Variants in LRP1B observed in about 807,000 individuals in gnomAD.
The protein encoded by LRP1B is LDL receptor related protein 1B.
LRP1B carries 217 observed loss-of-function variants against 556.6 expected under a neutral mutation model. The ratio of observed to expected loss-of-function variants is 0.39; its 90% confidence interval spans 0.35 to 0.44. LRP1B has a LOEUF of 0.44. Among genes scored for constraint, LRP1B ranks in the 20% least tolerant of loss-of-function variants. LRP1B has a pLI of 1.00. For synonymous variants in LRP1B, 2,047 were observed against 1,865.8 expected, an observed-to-expected ratio of 1.10 and a Z score of -2.50; for missense variants, 5,053 against 5,620.8, an observed-to-expected ratio of 0.90 and a Z score of 3.23.
At chr2:141,797,885 T>C (rs868531760) in intron 2 of LRP1B, among the ~76,000 whole-genome samples, 1 of 152,088 alleles carries the variant, frequency 6.6e-6, no homozygotes, top group African/African-American at 2.4e-5. Flanking sequence ...TAGGTAAACA[T>C]CAATATCATA....
chr2:140,636,745 A>G (rs966835447), intron 41 of LRP1B, among the ~76,000 whole-genome samples: 1 of 152,188 alleles, frequency 6.6e-6, no homozygotes, highest in Non-Finnish European at 1.5e-5. Flanking sequence ...AAAACAAATA[A>G]TATTACACAT....
intron 1 of LRP1B, among the ~76,000 whole-genome samples, chr2:142,102,259 C>T (rs934334297): frequency 6.6e-6 from 1 of 151,700 alleles, no homozygotes; most frequent in Non-Finnish European, 1.5e-5. Context: ...CAATTTGTAC[C>T]CCAATCACAA....
intron 2 of LRP1B, among the ~76,000 whole-genome samples, chr2:141,517,018 A>C (rs1189025142): frequency 3.1e-5 from 4 of 130,148 alleles, no homozygotes; most frequent in African/African-American, 8.7e-5. Context: ...AAAAAAAAAA[A>C]AAAAAAAAAA....
Position 141,221,303 on chromosome 2 carries a change from A to C in LRP1B, c.850+7880T>G, listed in dbSNP as rs866208469. Among the ~76,000 whole-genome samples the C allele has an allele frequency of 3.9e-4, 60 of 152,050 alleles. No individual in the cohort carries two copies. The East Asian group carries it at 4.1e-3, about 10-fold the overall frequency. On this transcript the variant is annotated intron_variant, in intron 6 of 90. Transcript: ENST00000389484. The stretch of plus-strand genomic sequence containing the variant: ...CCAACAAAGATAAAAAAAAAAAAAA[A>C]AAAAACCAAAGGGCATTACATAATG...
intron 35 of LRP1B, among the ~76,000 whole-genome samples, chr2:140,726,485 G>A (rs1017686621): frequency 6.6e-6 from 1 of 152,210 alleles, no homozygotes; most frequent in East Asian, 1.9e-4. Context: ...CTCCACTCCC[G>A]ATAAGCTGGC....
intron 45 of LRP1B, among the ~76,000 whole-genome samples, chr2:140,538,790 T>C: frequency 6.6e-6 from 1 of 151,040 alleles, no homozygotes; most frequent in South Asian, 2.1e-4. Flanking sequence ...ATTTTAAGTG[T>C]ATATTATTTA....
intron 2 of LRP1B, among the ~76,000 whole-genome samples, chr2:141,632,307 T>C (rs1688944350): frequency 6.6e-6 from 1 of 152,176 alleles, no homozygotes; most frequent in Non-Finnish European, 1.5e-5. Context: ...ATTAGCAAAT[T>C]GATATTTCCA....
chr2:140,465,250 G>A (rs930839937), intron 60 of LRP1B, among the ~76,000 whole-genome samples: 30 of 152,166 alleles, frequency 2.0e-4, no homozygotes, highest in South Asian at 4.2e-4. Context: ...CAAACCATAA[G>A]GGATCTGCCC....
At chr2:141,882,733 G>A (rs528109470) in intron 1 of LRP1B, among the ~76,000 whole-genome samples, 2 of 152,112 alleles carry the variant, frequency 1.3e-5, no homozygotes, top group Non-Finnish European at 2.9e-5. Context: ...ATAATAGTTA[G>A]GTCTTGCTCT....
intron 18 of LRP1B, among the ~76,000 whole-genome samples, chr2:140,956,837 C>T (rs1196153517): frequency 6.6e-6 from 1 of 151,620 alleles, no homozygotes; most frequent in African/African-American, 2.4e-5. Context: ...GGGTAGTTAC[C>T]TAACATCTCT....
chr2:140,911,805 ACCAAT>A (rs929331015), intron 21 of LRP1B, among the ~76,000 whole-genome samples: 4 of 151,740 alleles, frequency 2.6e-5, no homozygotes, highest in Non-Finnish European at 5.9e-5. Context: ...CAGACACATC[ACCAAT>A]CCATGATGGC....
chr2:141,047,706 T>C (rs1044291569), intron 11 of LRP1B, among the ~76,000 whole-genome samples: 2 of 152,138 alleles, frequency 1.3e-5, no homozygotes, highest in Admixed American at 6.6e-5. Context: ...CCTTTCACTT[T>C]CGACTCTCTT....
At chr2:141,284,576 T>A (rs1421364401) in intron 3 of LRP1B, among the ~76,000 whole-genome samples, 1 of 152,208 alleles carries the variant, frequency 6.6e-6, no homozygotes, top group Non-Finnish European at 1.5e-5. Context: ...TTAAAAGATT[T>A]CCTCTAAAAG....
Position 141,656,101 on chromosome 2 carries a change from A to G in LRP1B, c.205+154178T>C, listed in dbSNP as rs967220772. 3.0e-4 allele frequency among the ~76,000 whole-genome samples: 45 copies of G among 152,158 alleles called. 1 individual carries two copies. The highest frequency in any genetic ancestry group is 2.0e-3 in the Admixed American group (30 of 15,272). ...ACAAAGTGGTTATGTGACTTGCTAA[A>G]GTCGCATTGCTAGTACAGAACTGAG... On this transcript the variant is annotated intron_variant, in intron 2 of 90. Coordinates refer to ENST00000389484, the MANE Select transcript of LRP1B (RefSeq NM_018557.3).
chr2:140,783,152 T>C (rs1689760504), intron 32 of LRP1B, among the ~76,000 whole-genome samples: 1 of 152,074 alleles, frequency 6.6e-6, no homozygotes, highest in South Asian at 2.1e-4. Flanking sequence ...AATTATTACA[T>C]TTTTTATAAT....
At chr2:141,718,550 T>A (rs1692704154) in intron 2 of LRP1B, among the ~76,000 whole-genome samples, 5 of 152,190 alleles carry the variant, frequency 3.3e-5, no homozygotes, top group Non-Finnish European at 5.9e-5. Context: ...TTAATGGCAT[T>A]TATTGAAATA....
chr2:141,112,154 C>T (rs539662557), intron 7 of LRP1B, among the ~76,000 whole-genome samples: 33 of 152,176 alleles, frequency 2.2e-4, no homozygotes, highest in Non-Finnish European at 3.1e-4. Context: ...GGTCATGAGA[C>T]AAGAACCCAG....
intron 1 of LRP1B, among the ~76,000 whole-genome samples, chr2:141,833,744 G>GA (rs34151747): frequency 0.04 from 6,033 of 149,980 alleles, 384 homozygotes; most frequent in African/African-American, 0.14. Context: ...GTAGCCAACG[G>GA]AAAAAAAAAT....
At chr2:141,636,083 T>C (rs984542991) in intron 2 of LRP1B, among the ~76,000 whole-genome samples, 1 of 152,118 alleles carries the variant, frequency 6.6e-6, no homozygotes, top group Non-Finnish European at 1.5e-5. Flanking sequence ...TTATTGAGAC[T>C]ATTCTGGGTA....
Sources: allele counts gnomAD v4.1 joint callset (sites outside exome capture counted in the v4.1 genomes callset), GRCh38; gene constraint gnomAD v4.1.1; transcripts MANE v1.5; gene names NCBI Gene and HGNC (gene_info 2026-07-23, HGNC 2026-07-21).